Variants in MDGA2 observed in about 807,000 individuals in gnomAD.
MDGA2 encodes MAM domain containing glycosylphosphatidylinositol anchor 2, also known as MAM domain-containing glycosylphosphatidylinositol anchor protein 2.
In MDGA2, 40 loss-of-function variants were observed where a neutral mutation model predicts 117.8. That is an observed-to-expected ratio of 0.34 (90% CI 0.26 to 0.44). The LOEUF (loss-of-function observed/expected upper bound fraction) is 0.44. Ranked by LOEUF, MDGA2 falls within the 20% of genes least tolerant of loss-of-function variation. The pLI, the probability that MDGA2 is intolerant of heterozygous loss-of-function variation, is 1.00. For synonymous variants in MDGA2, 452 were observed against 439.0 expected (o/e 1.03, Z -0.37); for missense variants, 1,123 against 1,250.6 (o/e 0.90, Z 1.54).
intron 1 of MDGA2, among the ~76,000 whole-genome samples, chr14:47,434,685 G>A (rs896918977): frequency 6.6e-6 from 1 of 152,116 alleles, no homozygotes; most frequent in African/African-American, 2.4e-5. Context: ...AATATAGCTT[G>A]TGTTAAATGG....
At chr14:47,650,512 G>A (rs1306405982) in intron 1 of MDGA2, among the ~76,000 whole-genome samples, 1 of 152,052 alleles carries the variant, frequency 6.6e-6, no homozygotes, top group Non-Finnish European at 1.5e-5. Context: ...AAATCCCAAA[G>A]ATATACACAT....
intron 1 of MDGA2, among the ~76,000 whole-genome samples, chr14:47,371,674 T>C (rs1297948103): frequency 6.6e-6 from 1 of 151,730 alleles, no homozygotes; most frequent in East Asian, 1.9e-4. Context: ...TCATAGTGAT[T>C]TTCCAACTGT....
chr14:46,970,208 T>C (rs57008408), intron 8 of MDGA2, among the ~76,000 whole-genome samples: 18,015 of 151,698 alleles, frequency 0.12, 2,067 homozygotes, highest in African/African-American at 0.27. Context: ...AATCCTGGAA[T>C]TTGTATGAAA....
intron 1 of MDGA2, among the ~76,000 whole-genome samples, chr14:47,624,619 G>GT (rs1272941146): frequency 1.3e-5 from 2 of 151,946 alleles, no homozygotes; most frequent in African/African-American, 2.4e-5. Context: ...TATCTAATCA[G>GT]TTTTTTTTAA....
chr14:47,431,117 T>A (rs1892789578), intron 1 of MDGA2, among the ~76,000 whole-genome samples: 1 of 152,070 alleles, frequency 6.6e-6, no homozygotes, highest in African/African-American at 2.4e-5. Flanking sequence ...TCATTCCTCT[T>A]TTTATTTTCA....
chr14:47,623,464 T>C (rs567689509), intron 1 of MDGA2, among the ~76,000 whole-genome samples: 2 of 152,294 alleles, frequency 1.3e-5, no homozygotes, highest in South Asian at 2.1e-4. Flanking sequence ...TTAGGTCACA[T>C]ACAATATCTA....
intron 1 of MDGA2, among the ~76,000 whole-genome samples, chr14:47,320,205 A>G (rs574830361): frequency 1.1e-3 from 162 of 152,284 alleles, no homozygotes; most frequent in Middle Eastern, 3.4e-3. Flanking sequence ...CAGCTGCCCT[A>G]GCAAACAAAT....
intron 2 of MDGA2, among the ~76,000 whole-genome samples, chr14:47,296,529 CAT>C (rs1889080709): frequency 6.6e-6 from 1 of 152,194 alleles, no homozygotes; most frequent in South Asian, 2.1e-4. Flanking sequence ...GACTGATAAA[CAT>C]GTGGGAAAAT....
At chr14:47,403,543 T>C (rs1429258585) in intron 1 of MDGA2, among the ~76,000 whole-genome samples, 2 of 152,134 alleles carry the variant, frequency 1.3e-5, no homozygotes, top group East Asian at 3.9e-4. Context: ...AATGCCAAGT[T>C]ACTCTCTCCA....
intron 2 of MDGA2, among the ~76,000 whole-genome samples, chr14:47,251,316 G>T (rs546888431): frequency 6.6e-6 from 1 of 152,170 alleles, no homozygotes; most frequent in South Asian, 2.1e-4. Context: ...TCATCATTCA[G>T]ATCTCAGCAA....
intron 8 of MDGA2, among the ~76,000 whole-genome samples, chr14:46,999,735 C>G (rs943413568): frequency 6.6e-6 from 1 of 152,072 alleles, no homozygotes; most frequent in East Asian, 1.9e-4. Flanking sequence ...TCCTCCACCC[C>G]CTTTTCTCTG....
At chr14:47,236,390 G>C (rs1886865614) in intron 2 of MDGA2, among the ~76,000 whole-genome samples, 2 of 151,874 alleles carry the variant, frequency 1.3e-5, no homozygotes, top group Non-Finnish European at 2.9e-5. Context: ...CTTAAGCCTA[G>C]TAGGAAATGT....
chr14:47,483,227 C>T (rs567729331), intron 1 of MDGA2, among the ~76,000 whole-genome samples: 1 of 152,172 alleles, frequency 6.6e-6, no homozygotes, highest in African/African-American at 2.4e-5. Flanking sequence ...GTAACTTGTA[C>T]TTACTGCTAT....
intron 5 of MDGA2, among the ~76,000 whole-genome samples, chr14:47,131,024 T>C (rs535206597): frequency 3.3e-5 from 5 of 151,990 alleles, no homozygotes; most frequent in Admixed American, 2.6e-4. Context: ...TAATAATATA[T>C]ATATGTAAAA....
chr14:47,323,823 A>G (rs2139885766), intron 1 of MDGA2, among the ~76,000 whole-genome samples: 1 of 152,326 alleles, frequency 6.6e-6, no homozygotes, highest in Non-Finnish European at 1.5e-5. Flanking sequence ...AAGGAATTTG[A>G]TAATTATGAA....
At chr14:47,324,363 A>C (rs10135739) in intron 1 of MDGA2, among the ~76,000 whole-genome samples, 146,814 of 152,266 alleles carry the variant, frequency 0.96, 71,027 homozygotes, top group East Asian at 1. Flanking sequence ...CATGAGCCAA[A>C]TGCACCAGAA....
At chr14:47,066,082 A>G (rs1257593431) in intron 6 of MDGA2, among the ~76,000 whole-genome samples, 3 of 152,234 alleles carry the variant, frequency 2.0e-5, no homozygotes, top group African/African-American at 7.2e-5. Context: ...AGTTGGAAAT[A>G]GGTTACATCA....
chr14:47,673,843 T>C (rs1030353990), intron 1 of MDGA2, among the ~76,000 whole-genome samples: 1 of 151,970 alleles, frequency 6.6e-6, no homozygotes, highest in African/African-American at 2.4e-5. Context: ...AGCGAGCTAG[T>C]GTCCTGCCCT....
chr14:47,542,935 T>C (rs1594908665), intron 1 of MDGA2, among the ~76,000 whole-genome samples: 1 of 152,188 alleles, frequency 6.6e-6, no homozygotes, highest in African/African-American at 2.4e-5. Context: ...ATAGGCTGGG[T>C]GCACTGGCTC....
Sources: allele counts gnomAD v4.1 joint callset (sites outside exome capture counted in the v4.1 genomes callset), GRCh38; gene constraint gnomAD v4.1.1; transcripts MANE v1.5; gene names NCBI Gene and HGNC (gene_info 2026-07-23, HGNC 2026-07-21).